Variants in COL2A1 observed in about 807,000 individuals in gnomAD.
COL2A1 encodes collagen type II alpha 1 chain, also known as collagen alpha-1(II) chain.
A neutral mutation model predicts 204.5 loss-of-function variants in COL2A1; 28 were observed. The observed-to-expected ratio is 0.14, with a 90% CI of 0.10 to 0.19. The LOEUF (loss-of-function observed/expected upper bound fraction) is 0.19. Ranked by LOEUF, COL2A1 falls within the 10% of genes least tolerant of loss-of-function variation. The pLI is 1.00. For synonymous variants in COL2A1, 708 were observed against 718.7 expected (o/e 0.99, Z 0.24); for missense variants, 1,388 against 2,027.5 (o/e 0.68, Z 6.06).
At chr12:47,998,113 A>G in intron 4 of COL2A1, 49 bp from the exon 5 acceptor site, 1 of 1,614,200 alleles carries the variant, frequency 6.2e-7, no homozygotes, top group Non-Finnish European at 8.5e-7. Flanking sequence ...GAGCACAAGG[A>G]AATGACCCAT....
rs776015253 is a variant in COL2A1, at chr12:47,973,520, C to T, written c.4351G>A (p.Glu1451Lys). ...HTGKWGKTVI[E>K]YRSQKTSRLP... ...CGTGAGGTCTTCTGTGACCGGTACT[C>T]GATAACAGTCTTGCCCCACTTACCG... The change falls in exon 54 of 54, where the codon GAG (glutamate) becomes AAG (lysine). Residue 1451 changes from glutamate to lysine, a missense_variant. By Grantham distance (56) the Glu-to-Lys change is moderately conservative. Around this residue, in one of 3 missense-constraint regions of COL2A1, gnomAD observed 303 missense variants for 369.2 expected, o/e 0.82. Transcript: ENST00000380518. 16 of 1,613,962 alleles carry T rather than the reference C, an allele frequency of 9.9e-6. No homozygotes were observed. The highest frequency in any genetic ancestry group is 2.2e-5 in the East Asian group (1 of 44,892).
chr12:47,973,682 G>C lies in COL2A1; in HGVS notation c.4318-129C>G, dbSNP rs558294986. Reference sequence around the variant, plus strand: ...CACAAGGTTGAACCACACTGAGGGGGCTCCTGAGACCTCTTCTTGGCTTGC... The same window carrying C: ...CACAAGGTTGAACCACACTGAGGGGCCTCCTGAGACCTCTTCTTGGCTTGC... On this transcript the variant is annotated intron_variant, in intron 53 of 53. Transcript: ENST00000380518. 117 of 1,089,964 alleles carry C rather than the reference G, an allele frequency of 1.1e-4. 1 individual carries two copies. The African/African-American group carries it at 1.4e-3, about 13-fold the overall frequency. 67.5% of individuals were successfully genotyped at this position (1,089,964 alleles called of 1,614,324 possible).
At chr12:47,994,316 G>A (rs780978739) in intron 12 of COL2A1, 108 bp downstream of exon 12, 30 of 1,192,316 alleles carry the variant, frequency 2.5e-5, no homozygotes, top group Non-Finnish European at 3.7e-5. Context: ...AGGGGCTACT[G>A]GCGTTTCATC....
At chr12:47,981,667 C>T (rs1939092356) in intron 36 of COL2A1, 109 bp downstream of exon 36, 2 of 1,304,202 alleles carry the variant, frequency 1.5e-6, no homozygotes, top group Non-Finnish European at 2.2e-6. Flanking sequence ...CGGCCTTGGC[C>T]GAGGGTGACA....
intron 47 of COL2A1, 61 bp downstream of exon 47, chr12:47,977,041 G>A: frequency 1.3e-6 from 2 of 1,566,422 alleles, no homozygotes; most frequent in Non-Finnish European, 1.7e-6. Flanking sequence ...CCACCTGGAG[G>A]CTGGCTGCCC....
chr12:47,998,811 T>A (rs904621538), intron 2 of COL2A1: 1 of 233,376 alleles, frequency 4.3e-6, no homozygotes, highest in Admixed American at 5.1e-5. Context: ...CCCCAAGCCC[T>A]CCCAGAGGAA....
At position 47,976,965 on chromosome 12, in the gene COL2A1, A is replaced by G. The variant is rs778847516; in HGVS notation, c.3328-46T>C. The G allele has an allele frequency of 2.4e-5, 37 of 1,551,060 alleles. No individual in the cohort carries two copies. Among genetic ancestry groups the G allele is most frequent in the Non-Finnish European group, 3.3e-5 (37 of 1,138,384 alleles). ...GATTGAGTCAGGTCAGGGCCAGGAC[A>G]GGAGCCCCCTCCTGTCCCACCCAAG... On this transcript the variant is annotated intron_variant, in intron 47 of 53. Coordinates refer to ENST00000380518, the MANE Select transcript of COL2A1 (RefSeq NM_001844.5). The surrounding 1 kb of genome is among the most constrained non-coding windows in gnomAD (Gnocchi z 4.3).
Position 47,982,860 on chromosome 12 carries a change from A to G in COL2A1, c.2181T>C (p.Thr727=). The G allele has an allele frequency of 6.2e-7, 1 of 1,611,672 alleles. No homozygotes were observed. Among genetic ancestry groups the G allele is most frequent in the Non-Finnish European group, 8.5e-7 (1 of 1,179,792 alleles). The change falls in exon 33 of 54, where the codon ACT becomes ACC. Residue 727 remains threonine, a synonymous_variant. Transcript: ENST00000380518. The part of the protein sequence containing the change: ...GPRGLPGTPG[T]DGPKGASGPA... ...CAGCCTCACTTACTTTGGGACCATC[A>G]GTGCCAGGAGTGCCGGGGAGGCCAC...
In COL2A1 at chr12:47,981,940, C is replaced by T. The variant is rs41263857; in HGVS notation, c.2356-111G>A. ...GCTCCCACCGCCTCCAGAGCTCCCACTTACCCTCTGGCCCCATTTTAACAG... is the reference window on the plus strand; with the variant it reads ...GCTCCCACCGCCTCCAGAGCTCCCATTTACCCTCTGGCCCCATTTTAACAG... On this transcript the variant is annotated intron_variant, in intron 35 of 53. Coordinates refer to ENST00000380518, the MANE Select transcript of COL2A1 (RefSeq NM_001844.5). 15,648 of 1,321,502 alleles carry T rather than the reference C, an allele frequency of 0.012. 132 individuals carry two copies. Among genetic ancestry groups the T allele is most frequent in the Non-Finnish European group, 0.014 (13,110 of 918,326 alleles). 81.9% of individuals were successfully genotyped at this position (1,321,502 alleles called of 1,614,324 possible).
chr12:47,977,947 G>A, intron 44 of COL2A1, 63 bp downstream of exon 44: 1 of 1,459,644 alleles, frequency 6.9e-7, no homozygotes, highest in South Asian at 1.2e-5. Context: ...TGCTGACCCA[G>A]CACAGAGACT....
chr12:47,983,807 C>CA, intron 29 of COL2A1, 71 bp from the exon 30 acceptor site: 1 of 1,495,208 alleles, frequency 6.7e-7, no homozygotes, highest in Non-Finnish European at 9.1e-7. Flanking sequence ...TAGTAGGGCC[C>CA]AGGGGAGGTC....
At position 47,977,334 on chromosome 12, in the gene COL2A1, C is replaced by G. The variant is rs1354118542; in HGVS notation, c.3259G>C (p.Asp1087His). The G allele has an allele frequency of 3.7e-6, 6 of 1,613,510 alleles. No homozygotes were observed. Among genetic ancestry groups the G allele is most frequent in the Non-Finnish European group, 5.1e-6 (6 of 1,179,400 alleles). ...GPAGPTGKQGDRGEAGAQGPM... is the reference protein window; with the variant it reads ...GPAGPTGKQGHRGEAGAQGPM... Reference sequence around the variant, plus strand: ...AGGATACTTACAGCTTCTCCTCTGTCTCCTTGCTTGCCAGTTGGACCAGCG... The same window carrying G: ...AGGATACTTACAGCTTCTCCTCTGTGTCCTTGCTTGCCAGTTGGACCAGCG... Residue 1087 changes from aspartate (D) to histidine (H), a missense_variant, in exon 46 of 54, where the codon GAC (aspartate) becomes CAC (histidine). Transcript: ENST00000380518.
chr12:47,984,272 C>T, intron 28 of COL2A1, 132 bp from the exon 29 acceptor site: 1 of 857,774 alleles, frequency 1.2e-6, no homozygotes, highest in African/African-American at 1.7e-5. Context: ...GCTCCATTTC[C>T]ACACCTTCCC....
At chr12:48,005,124 C>A (rs949996256), upstream of COL2A1, among the ~76,000 whole-genome samples, 1 of 152,256 alleles carries the variant, frequency 6.6e-6, no homozygotes, top group Non-Finnish European at 1.5e-5. Context: ...CACCCCTCCC[C>A]CATCCAGCTC....
In COL2A1 at chr12:47,978,515, C is replaced by G; in HGVS notation, c.2895+82G>C. 2 of 1,593,166 alleles carry G rather than the reference C, an allele frequency of 1.3e-6. No individual in the cohort carries two copies. Among genetic ancestry groups the G allele is most frequent in the South Asian group, 1.1e-5 (1 of 89,032 alleles). ...GGCATCCCCACGGCCCCTGCTCCCTCCTACCCCATGCTCTGTGAGCTCAGA... is the reference window on the plus strand; with the variant it reads ...GGCATCCCCACGGCCCCTGCTCCCTGCTACCCCATGCTCTGTGAGCTCAGA... On this transcript the variant is annotated intron_variant, in intron 42 of 53. Transcript: ENST00000380518. This position sits in a 1 kb window ranked among gnomAD's most constrained non-coding sequence, Gnocchi z 5.5.
Position 47,975,592 on chromosome 12 carries a change from T to C in COL2A1, c.3611A>G (p.Asn1204Ser), listed in dbSNP as rs1352621170. The change falls in exon 51 of 54, where the codon AAT becomes AGT. Residue 1204 changes from asparagine (N) to serine (S), a missense_variant. Asn to Ser is a conservative substitution (Grantham distance 46). Around this residue, in one of 3 missense-constraint regions of COL2A1, gnomAD observed 884 missense variants for 1,415.8 expected, o/e 0.62. Coordinates refer to ENST00000380518, the MANE Select transcript of COL2A1 (RefSeq NM_001844.5). ...GETGPAGPPG[N>S]PGPPGPPGPP... Reference sequence around the variant, plus strand: ...ACCTGGAGGACCAGGGGGTCCAGGATTTCCAGGAGGACCCTGCAGCAGGAA... The same window carrying C: ...ACCTGGAGGACCAGGGGGTCCAGGACTTCCAGGAGGACCCTGCAGCAGGAA... 2 of 1,600,414 alleles carry C rather than the reference T, an allele frequency of 1.2e-6. No individual in the cohort carries two copies. The highest frequency in any genetic ancestry group is 1.7e-4 in the Middle Eastern group (1 of 6,058).
Position 47,993,847 on chromosome 12 carries a change from C to T in COL2A1, c.886G>A (p.Asp296Asn). 6.2e-7 allele frequency: 1 copy of T among 1,614,192 alleles called. No homozygotes were observed. Among genetic ancestry groups the T allele is most frequent in the Non-Finnish European group, 8.5e-7 (1 of 1,180,028 alleles). Reference protein sequence around the residue: ...VKGHRGYPGLDGAKGEAGAPG... With the variant: ...VKGHRGYPGLNGAKGEAGAPG... ...GCACCCGCCTCTCCCTTAGCACCGT[C>T]CAGGCCTGGATAACCCTAGGGAACA... Residue 296 changes from aspartate (D) to asparagine (N), a missense_variant, in exon 14 of 54, where the codon GAC becomes AAC. Physicochemically the swap from Asp to Asn is conservative, Grantham distance 23. Around this residue, in one of 3 missense-constraint regions of COL2A1, gnomAD observed 884 missense variants for 1,415.8 expected, o/e 0.62. Transcript: ENST00000380518.
intron 7 of COL2A1, 23 bp downstream of exon 7, chr12:47,997,583 G>A: frequency 6.2e-7 from 1 of 1,613,882 alleles, no homozygotes; most frequent in African/African-American, 1.3e-5. Flanking sequence ...CAGCCTGAAG[G>A]AATGGGAAGT....
chr12:47,988,859 C>T (rs1021083510), intron 18 of COL2A1, among the ~76,000 whole-genome samples: 11 of 152,252 alleles, frequency 7.2e-5, no homozygotes, highest in East Asian at 1.9e-4. Flanking sequence ...CTCCAGTGCC[C>T]GTCAGGGCCC....
Sources: gnomAD v4.1 joint callset for allele counts (sites outside exome capture counted in the v4.1 genomes callset) on GRCh38, gnomAD v4.1.1 for gene constraint, gnomAD v4.1.1 regional missense constraint, Gnocchi (gnomAD v3.1) non-coding constraint, MANE v1.5 for transcripts, NCBI Gene and HGNC (gene_info 2026-07-23, HGNC 2026-07-21) for gene names.